CNTNAP2: variants seen among roughly 807,000 people sequenced by gnomAD.
CNTNAP2 encodes the protein contactin-associated protein-like 2.
In CNTNAP2, 98 loss-of-function variants were observed where a neutral mutation model predicts 155.2. That is an observed-to-expected ratio of 0.63 (90% CI 0.54 to 0.75). The LOEUF is 0.75. Ranked by LOEUF, CNTNAP2 falls within the 30% of genes least tolerant of loss-of-function variation. The pLI is 0.00. For synonymous variants in CNTNAP2, 651 were observed against 631.2 expected (o/e 1.03, Z -0.47); for missense variants, 1,727 against 1,688.1 (o/e 1.02, Z -0.40).
chr7:147,602,889 T>C (rs1408443039), intron 12 of CNTNAP2, among the ~76,000 whole-genome samples: 1 of 152,078 alleles, frequency 6.6e-6, no homozygotes, highest in Admixed American at 6.5e-5. Context: ...CAGTCTATCA[T>C]TGTTGGACAT....
At chr7:147,148,591 AGTT>A (rs1563093867) in intron 8 of CNTNAP2, among the ~76,000 whole-genome samples, 2 of 152,156 alleles carry the variant, frequency 1.3e-5, no homozygotes, top group Admixed American at 6.5e-5. Flanking sequence ...TGATTGTTAC[AGTT>A]CTTAAAGATG....
At chr7:148,035,140 A>C (rs928496014) in intron 15 of CNTNAP2, among the ~76,000 whole-genome samples, 3 of 152,222 alleles carry the variant, frequency 2.0e-5, no homozygotes, top group African/African-American at 7.2e-5. Flanking sequence ...ACTTATAATT[A>C]AAAAAGAAGT....
chr7:148,326,594 T>C (rs534857945), intron 21 of CNTNAP2, among the ~76,000 whole-genome samples: 19 of 152,086 alleles, frequency 1.2e-4, no homozygotes, highest in East Asian at 7.7e-4. Context: ...GGGCCGGGCA[T>C]GGTGGCTCAC....
chr7:147,346,344 C>T lies in CNTNAP2; in HGVS notation c.1498+46054C>T, dbSNP rs536105335. 1.3e-3 allele frequency among the ~76,000 whole-genome samples: 200 copies of T among 150,812 alleles called. 1 individual carries two copies. The highest frequency in any genetic ancestry group is 2.5e-3 in the Non-Finnish European group (170 of 67,734). ...TAATTTTTTGTATTTTTAGTAGAGA[C>T]GGGGTTTCACCTTGTTAGCCAGGAT... On this transcript the variant is annotated intron_variant, in intron 9 of 23. Transcript: ENST00000361727.
chr7:147,217,371 T>A (rs1302571551), intron 8 of CNTNAP2, among the ~76,000 whole-genome samples: 2 of 150,474 alleles, frequency 1.3e-5, no homozygotes, highest in Non-Finnish European at 3.0e-5. Flanking sequence ...GGGTGATAGA[T>A]TTTTTTTCAG....
chr7:146,156,134 C>A lies in CNTNAP2; in HGVS notation c.97+39161C>A, dbSNP rs548977261. Among the ~76,000 whole-genome samples the A allele has an allele frequency of 5.9e-5, 9 of 152,134 alleles. No individual in the cohort carries two copies. In the East Asian group the frequency reaches 1.7e-3, roughly 29 times the overall value. Reference sequence around the variant, plus strand: ...GGAACATAATTATATTTAATTAAAACCTGAAGTGGTATCTAAAGATAATGA... The same window carrying A: ...GGAACATAATTATATTTAATTAAAAACTGAAGTGGTATCTAAAGATAATGA... On this transcript the variant is annotated intron_variant, in intron 1 of 23. Transcript: ENST00000361727.
intron 20 of CNTNAP2, among the ~76,000 whole-genome samples, chr7:148,257,767 C>A (rs1322099631): frequency 1.3e-5 from 2 of 152,150 alleles, no homozygotes; most frequent in East Asian, 1.9e-4. Context: ...GTCTCCCCAT[C>A]GATGTGGTCT....
intron 1 of CNTNAP2, among the ~76,000 whole-genome samples, chr7:146,697,477 G>C (rs1266956208): frequency 6.6e-6 from 1 of 152,158 alleles, no homozygotes; most frequent in East Asian, 1.9e-4. Flanking sequence ...GACCTCAAGT[G>C]ATCTTCCCTT....
At chr7:148,380,253 C>T (rs1441379841) in intron 21 of CNTNAP2, among the ~76,000 whole-genome samples, 1 of 152,128 alleles carries the variant, frequency 6.6e-6, no homozygotes, top group Non-Finnish European at 1.5e-5. Context: ...CAGTAGAGAC[C>T]AGTCTAATCA....
At chr7:147,635,663 A>C (rs571461599) in intron 12 of CNTNAP2, among the ~76,000 whole-genome samples, 1 of 152,316 alleles carries the variant, frequency 6.6e-6, no homozygotes, top group South Asian at 2.1e-4. Context: ...GAGACTCTTC[A>C]ATCTCAGCAA....
intron 13 of CNTNAP2, among the ~76,000 whole-genome samples, chr7:147,798,166 A>C (rs1209527494): frequency 6.6e-6 from 1 of 152,202 alleles, no homozygotes; most frequent in African/African-American, 2.4e-5. Flanking sequence ...TTCATTTCAC[A>C]AGGCTTTTTG....
chr7:147,861,357 C>T (rs1799129911), intron 13 of CNTNAP2, among the ~76,000 whole-genome samples: 1 of 146,392 alleles, frequency 6.8e-6, no homozygotes, highest in South Asian at 2.3e-4. Flanking sequence ...AAGACCTAGC[C>T]CATGCTTATA....
At chr7:146,670,355 T>C (rs1585034599) in intron 1 of CNTNAP2, among the ~76,000 whole-genome samples, 1 of 152,222 alleles carries the variant, frequency 6.6e-6, no homozygotes, top group East Asian at 1.9e-4. Flanking sequence ...TGCACCTCAT[T>C]CCAGCGTATG....
chr7:148,095,963 A>C (rs1418247007), intron 15 of CNTNAP2, among the ~76,000 whole-genome samples: 2 of 152,270 alleles, frequency 1.3e-5, no homozygotes, highest in Middle Eastern at 3.2e-3. Context: ...AAAGATGTTT[A>C]AAGTTTAATA....
chr7:147,864,305 A>G (rs148467190), intron 13 of CNTNAP2, among the ~76,000 whole-genome samples: 2,241 of 152,208 alleles, frequency 0.015, 58 homozygotes, highest in African/African-American at 0.05. Context: ...TTTGGCACCA[A>G]TACCATGCTG....
rs534648080 is a variant in CNTNAP2, at chr7:148,172,621, A to G, written c.3010+143A>G. The G allele has an allele frequency of 1.1e-5, 9 of 815,754 alleles. 1 individual carries two copies. In the Admixed American group the frequency reaches 1.6e-4, roughly 15 times the overall value. 50.5% of individuals were successfully genotyped at this position (815,754 alleles called of 1,614,324 possible). Reference sequence around the variant, plus strand: ...AATTTTTCTCTCAACTTAGGTAGGAATTTTCCAACCAAAATCATTTCCTAA... The same window carrying G: ...AATTTTTCTCTCAACTTAGGTAGGAGTTTTCCAACCAAAATCATTTCCTAA... On this transcript the variant is annotated intron_variant, in intron 18 of 23. Coordinates refer to ENST00000361727, the MANE Select transcript of CNTNAP2 (RefSeq NM_014141.6).
At chr7:146,721,890 T>TATATATATATATATA (rs1491454260) in intron 1 of CNTNAP2, among the ~76,000 whole-genome samples, 48 of 75,486 alleles carry the variant, frequency 6.4e-4, no homozygotes, top group African/African-American at 2.4e-3. Flanking sequence ...TATATATATA[T>TATATATATATATATA]TTTTTTTTTT....
At chr7:147,161,611 A>G (rs997349477) in intron 8 of CNTNAP2, 4 of 123,126 alleles carry the variant, frequency 3.2e-5, no homozygotes, top group Non-Finnish European at 7.0e-5. Flanking sequence ...GAGCTGACTC[A>G]TCATTCAGTA....
rs140012083 is a variant in CNTNAP2, at chr7:147,959,189, G to A, written c.2256-18673G>A. ...TTCAGCTACTCTCAGATTCTATTCC[G>A]TTATTTCAGAGTTCCCAGTGGTTGG... On this transcript the variant is annotated intron_variant, in intron 14 of 23. Transcript: ENST00000361727. Among the ~76,000 whole-genome samples the A allele has an allele frequency of 1.7e-4, 26 of 152,196 alleles. No individual in the cohort carries two copies. The South Asian group carries it at 3.7e-3, about 22-fold the overall frequency.
Sources: allele counts gnomAD v4.1 joint callset (sites outside exome capture counted in the v4.1 genomes callset), GRCh38; gene constraint gnomAD v4.1.1; transcripts MANE v1.5; gene names NCBI Gene and HGNC (gene_info 2026-07-23, HGNC 2026-07-21).